MGAT4C: variants seen among roughly 807,000 people sequenced by gnomAD.
MGAT4C encodes MGAT4 family member C, also known as alpha-1,3-mannosyl-glycoprotein 4-beta-N-acetylglucosaminyltransferase C.
In MGAT4C, 19 loss-of-function variants were observed where a neutral mutation model predicts 40.1. The ratio of observed to expected loss-of-function variants is 0.47; its 90% CI spans 0.33 to 0.70. The LOEUF (loss-of-function observed/expected upper bound fraction) is 0.70, where lower values mean the gene tolerates loss of function less well. MGAT4C is among the 30% of genes least tolerant of loss of function. MGAT4C has a pLI of 0.02. For synonymous variants in MGAT4C, 181 were observed against 187.1 expected (o/e 0.97, Z 0.27); for missense variants, 491 against 563.2 (o/e 0.87, Z 1.30).
chr12:86,015,486 T>C (rs1475900522), intron 2 of MGAT4C, among the ~76,000 whole-genome samples: 1 of 152,164 alleles, frequency 6.6e-6, no homozygotes, highest in African/African-American at 2.4e-5. Context: ...GCATCCTTTG[T>C]GTAAGGACAC....
chr12:86,640,861 C>T (rs1307852748), intron 2 of MGAT4C, among the ~76,000 whole-genome samples: 1 of 151,818 alleles, frequency 6.6e-6, no homozygotes, highest in African/African-American at 2.4e-5. Context: ...TCGTTATGTA[C>T]CCAGTAGTCA....
rs543985569 is a variant in MGAT4C, at chr12:86,099,614, A to C, written c.-56-49891T>G. On this transcript the variant is annotated intron_variant, in intron 1 of 4. Coordinates refer to ENST00000611864, the MANE Select transcript of MGAT4C (RefSeq NM_001351288.2). The stretch of plus-strand genomic sequence containing the variant: ...GACATATGGTTATTAATTTCTAAAG[A>C]AGCTATTGTCTTGACTTTTTTCTTT... Among the ~76,000 whole-genome samples, 585 of 151,536 alleles carry C rather than the reference A, an allele frequency of 3.9e-3. 5 individuals are homozygous for C. The highest frequency in any genetic ancestry group is 0.014 in the African/African-American group (561 of 41,500).
In MGAT4C at chr12:86,603,231, ATATAT is replaced by A. The variant is rs544963638; in HGVS notation, c.-229+123973_-229+123977del. Among the ~76,000 whole-genome samples, 474 of 144,298 alleles carry A rather than the reference ATATAT, an allele frequency of 3.3e-3. 2 individuals are homozygous for A. The highest frequency in any genetic ancestry group is 0.011 in the African/African-American group (453 of 39,596). 94.7% of individuals were successfully genotyped at this position (144,298 alleles called of 152,430 possible). On this transcript the variant is annotated intron_variant, in intron 2 of 7. Coordinates refer to the MGAT4C transcript ENST00000548651. ...ATACTATATAGTATAATATAATATA[ATATAT>A]TATATAATGGTATATATACTATATA...
At chr12:86,504,129 C>T (rs987025102) in intron 2 of MGAT4C, among the ~76,000 whole-genome samples, 1 of 151,998 alleles carries the variant, frequency 6.6e-6, no homozygotes, top group African/African-American at 2.4e-5. Flanking sequence ...AGAGATGCCA[C>T]TGTAAATCTT....
intron 2 of MGAT4C, among the ~76,000 whole-genome samples, chr12:86,548,831 T>G (rs1025361561): frequency 6.6e-6 from 1 of 152,214 alleles, no homozygotes; most frequent in Non-Finnish European, 1.5e-5. Flanking sequence ...AATTTAGAAC[T>G]GTGTATAGAA....
chr12:86,738,488 A>G (rs1229598766), intron 1 of MGAT4C, among the ~76,000 whole-genome samples: 2 of 151,304 alleles, frequency 1.3e-5, no homozygotes, highest in South Asian at 2.1e-4. Context: ...GCTTTGTTCA[A>G]TAATGGATCC....
At chr12:86,730,847 C>T (rs978862550) in intron 1 of MGAT4C, among the ~76,000 whole-genome samples, 10 of 151,948 alleles carry the variant, frequency 6.6e-5, no homozygotes, top group Non-Finnish European at 1.2e-4. Flanking sequence ...TTATTATAAC[C>T]GCTATTAACA....
chr12:86,200,016 T>C (rs1010570910), intron 1 of MGAT4C, among the ~76,000 whole-genome samples: 1 of 151,980 alleles, frequency 6.6e-6, no homozygotes. Flanking sequence ...TCATGACCCC[T>C]TCCTGTCAAG....
At chr12:86,394,789 T>C (rs1352234161) in intron 3 of MGAT4C, among the ~76,000 whole-genome samples, 1 of 151,390 alleles carries the variant, frequency 6.6e-6, no homozygotes, top group Non-Finnish European at 1.5e-5. Flanking sequence ...GCCCAGCTAA[T>C]AGTTTTAGTA....
At chr12:86,094,936 T>G (rs1182365592) in intron 1 of MGAT4C, among the ~76,000 whole-genome samples, 2 of 152,160 alleles carry the variant, frequency 1.3e-5, no homozygotes, top group Non-Finnish European at 2.9e-5. Context: ...CCAAGATAGC[T>G]GCTCACTGTC....
chr12:86,213,712 A>T (rs763562173), intron 1 of MGAT4C, among the ~76,000 whole-genome samples: 4 of 152,224 alleles, frequency 2.6e-5, no homozygotes, highest in Admixed American at 6.5e-5. Flanking sequence ...TTCTATACAC[A>T]TATTGGACTG....
intron 2 of MGAT4C, among the ~76,000 whole-genome samples, chr12:86,595,101 G>A (rs1961481171): frequency 6.6e-6 from 1 of 152,100 alleles, no homozygotes; most frequent in African/African-American, 2.4e-5. Context: ...TGTTAAAATA[G>A]GTTCTAATTT....
At chr12:86,432,526 G>A (rs1331215522) in intron 3 of MGAT4C, among the ~76,000 whole-genome samples, 1 of 152,004 alleles carries the variant, frequency 6.6e-6, no homozygotes, top group Non-Finnish European at 1.5e-5. Context: ...GGAAGGTGGG[G>A]TCATGCAAGT....
At chr12:86,600,769 G>A (rs1291072055) in intron 2 of MGAT4C, among the ~76,000 whole-genome samples, 2 of 152,212 alleles carry the variant, frequency 1.3e-5, no homozygotes, top group Non-Finnish European at 2.9e-5. Flanking sequence ...TACTGAGTTG[G>A]TGGGACAGGA....
In MGAT4C at chr12:86,490,546, A is replaced by C. The variant is rs1425563247; in HGVS notation, c.-228-55281T>G. On this transcript the variant is annotated intron_variant, in intron 2 of 7. Coordinates refer to the MGAT4C transcript ENST00000548651. Reference sequence around the variant, plus strand: ...AGCAAAATAACCAGCTAACATCATAATGACAGGATCAAATTCACACATAAC... The same window carrying C: ...AGCAAAATAACCAGCTAACATCATACTGACAGGATCAAATTCACACATAAC... Among the ~76,000 whole-genome samples, 6 of 152,224 alleles carry C rather than the reference A, an allele frequency of 3.9e-5. No homozygotes were observed. The East Asian group carries it at 1.2e-3, about 30-fold the overall frequency.
rs745905879 is a variant in MGAT4C, at chr12:86,014,332, C to A, written c.-6-24780G>T. On this transcript the variant is annotated intron_variant, in intron 2 of 4. Transcript: ENST00000611864. ...GGAAACTAGTTTTGGACGTTCCATC[C>A]CTAAACCAGAAGTGGGATGATCCGC... 3.3e-5 allele frequency among the ~76,000 whole-genome samples: 5 copies of A among 152,258 alleles called. No individual in the cohort carries two copies. The South Asian group carries it at 8.3e-4, about 25-fold the overall frequency.
chr12:86,187,956 A>G (rs947685594), intron 1 of MGAT4C, among the ~76,000 whole-genome samples: 1 of 152,096 alleles, frequency 6.6e-6, no homozygotes, highest in African/African-American at 2.4e-5. Context: ...GATGGTTCCT[A>G]GATGAGGTGA....
chr12:86,597,675 G>A (rs1005724577), intron 2 of MGAT4C, among the ~76,000 whole-genome samples: 1 of 152,046 alleles, frequency 6.6e-6, no homozygotes, highest in African/African-American at 2.4e-5. Context: ...GATGCCAGCT[G>A]ATCTGAAGGA....
chr12:86,660,043 C>T (rs938813800), intron 2 of MGAT4C, among the ~76,000 whole-genome samples: 1 of 151,768 alleles, frequency 6.6e-6, no homozygotes, highest in African/African-American at 2.4e-5. Flanking sequence ...GTCATGATAA[C>T]AAAATAAAAT....
Sources: gnomAD v4.1 joint callset for allele counts (sites outside exome capture counted in the v4.1 genomes callset) on GRCh38, gnomAD v4.1.1 for gene constraint, MANE v1.5 for transcripts, NCBI Gene and HGNC (gene_info 2026-07-23, HGNC 2026-07-21) for gene names.